The following PCDH7 variants were observed in gnomAD, a reference collection of about 807,000 sequenced individuals.
PCDH7 encodes the protein protocadherin-7.
Under a neutral mutation model 58.9 loss-of-function variants are expected in PCDH7, and 17 were observed. That is an observed-to-expected ratio of 0.29 (90% CI 0.20 to 0.43). PCDH7 has a LOEUF of 0.43. Among genes scored for constraint, PCDH7 ranks in the 20% least tolerant of loss-of-function variants. The pLI is 1.00. For synonymous variants in PCDH7, 664 were observed against 616.4 expected (o/e 1.08, Z -1.14); for missense variants, 1,274 against 1,441.0 (o/e 0.88, Z 1.88).
intron 1 of PCDH7, among the ~76,000 whole-genome samples, chr4:30,784,170 A>T (rs1028157411): frequency 1.3e-5 from 2 of 152,210 alleles, no homozygotes; most frequent in Admixed American, 6.5e-5. Flanking sequence ...AATCAAAACC[A>T]ACACATTCTG....
chr4:31,000,078 CTG>C (rs1288945024), intron 3 of PCDH7, among the ~76,000 whole-genome samples: 1 of 151,946 alleles, frequency 6.6e-6, no homozygotes, highest in African/African-American at 2.4e-5. Flanking sequence ...CAGTATACAG[CTG>C]TGTGTGGCAT....
chr4:30,740,005 T>A (rs1450330325), intron 1 of PCDH7, among the ~76,000 whole-genome samples: 1 of 152,198 alleles, frequency 6.6e-6, no homozygotes, highest in Non-Finnish European at 1.5e-5. Flanking sequence ...ATTAACTCAT[T>A]AAATAGTGAT....
intron 3 of PCDH7, among the ~76,000 whole-genome samples, chr4:30,975,496 A>T (rs1749990578): frequency 6.6e-6 from 1 of 152,022 alleles, no homozygotes; most frequent in Admixed American, 6.6e-5. Flanking sequence ...AGACTACCAA[A>T]TTTTCAATTT....
intron 1 of PCDH7, among the ~76,000 whole-genome samples, chr4:30,743,908 T>G (rs1717417837): frequency 6.6e-6 from 1 of 152,200 alleles, no homozygotes; most frequent in East Asian, 1.9e-4. Context: ...TCTCACTAGA[T>G]TTCAAGTTGT....
At chr4:31,064,657 C>A (rs186207382) in intron 3 of PCDH7, among the ~76,000 whole-genome samples, 1 of 151,896 alleles carries the variant, frequency 6.6e-6, no homozygotes, top group African/African-American at 2.4e-5. Flanking sequence ...TCTGTCCTCA[C>A]GTGATGTTCA....
chr4:31,046,156 C>A (rs1292032325), intron 3 of PCDH7, among the ~76,000 whole-genome samples: 2 of 151,910 alleles, frequency 1.3e-5, no homozygotes, highest in African/African-American at 4.8e-5. Context: ...TAGATTGATC[C>A]ACCTAGGCTA....
At position 30,724,605 on chromosome 4, in the gene PCDH7, T is replaced by G; in HGVS notation, c.3174+9T>G. 1 of 1,611,212 alleles carries G rather than the reference T, an allele frequency of 6.2e-7. No individual in the cohort carries two copies. Among genetic ancestry groups the G allele is most frequent in the Non-Finnish European group, 8.5e-7 (1 of 1,178,020 alleles). On this transcript the variant is annotated intron_variant, in intron 1 of 1. Coordinates refer to ENST00000361762, the Ensembl canonical transcript of PCDH7. ...ACAAGTACAGCAAACAGGTAAGATG[T>G]ATCCCAAATATATTTAAATATCCCA...
chr4:30,861,935 A>G (rs556614448), intron 1 of PCDH7, among the ~76,000 whole-genome samples: 2 of 152,244 alleles, frequency 1.3e-5, no homozygotes, highest in Non-Finnish European at 2.9e-5. Flanking sequence ...GTTTCAAATT[A>G]TAAGCTAGGT....
intron 3 of PCDH7, among the ~76,000 whole-genome samples, chr4:30,973,665 T>C (rs1749797335): frequency 6.6e-6 from 1 of 151,996 alleles, no homozygotes; most frequent in Non-Finnish European, 1.5e-5. Context: ...TGGGGCAAAA[T>C]ATTCCTGGAG....
chr4:30,743,366 G>C (rs759090311), intron 1 of PCDH7, among the ~76,000 whole-genome samples: 3 of 151,794 alleles, frequency 2.0e-5, no homozygotes, highest in Non-Finnish European at 2.9e-5. Flanking sequence ...AGCTAGAGAG[G>C]AAAGTCTTAA....
chr4:30,843,707 T>TG, intron 1 of PCDH7, among the ~76,000 whole-genome samples: 1 of 152,314 alleles, frequency 6.6e-6, no homozygotes, highest in South Asian at 2.1e-4. Context: ...AGATTTTTTT[T>TG]TGTGGTACAT....
rs1741983649 is a variant in PCDH7, at chr4:30,912,958, A to T, written c.71-7195A>T. ...ACATAATATTTGCTTTTATGATGTG[A>T]TGGTTACTTTCTAATTAATCTAACC... On this transcript the variant is annotated intron_variant, in intron 1 of 3. Coordinates refer to the PCDH7 transcript ENST00000509759. Among the ~76,000 whole-genome samples, 3 of 151,872 alleles carry T rather than the reference A, an allele frequency of 2.0e-5. No individual in the cohort carries two copies. The South Asian group carries it at 6.2e-4, about 31-fold the overall frequency.
chr4:31,001,940 C>T (rs1578531228), intron 3 of PCDH7, among the ~76,000 whole-genome samples: 5 of 152,090 alleles, frequency 3.3e-5, no homozygotes, highest in Admixed American at 6.6e-5. Context: ...ACAACAAAAG[C>T]GTTTTTTGGA....
chr4:30,780,638 A>G (rs1296540816), intron 1 of PCDH7, among the ~76,000 whole-genome samples: 1 of 152,222 alleles, frequency 6.6e-6, no homozygotes, highest in Non-Finnish European at 1.5e-5. Flanking sequence ...CAATCTTTAC[A>G]TACTTAATTA....
intron 3 of PCDH7, among the ~76,000 whole-genome samples, chr4:31,089,894 A>G (rs2109282798): frequency 6.6e-6 from 1 of 152,256 alleles, no homozygotes; most frequent in African/African-American, 2.4e-5. Context: ...ATTTCCGTCG[A>G]GTACATTTGC....
At chr4:31,084,972 C>T (rs1239928010) in intron 3 of PCDH7, among the ~76,000 whole-genome samples, 4 of 152,114 alleles carry the variant, frequency 2.6e-5, no homozygotes, top group African/African-American at 9.7e-5. Context: ...AGGGGTTCAC[C>T]TTGCCCGCTG....
At chr4:30,793,011 T>C (rs184839205) in intron 1 of PCDH7, among the ~76,000 whole-genome samples, 2 of 152,294 alleles carry the variant, frequency 1.3e-5, no homozygotes, top group African/African-American at 4.8e-5. Flanking sequence ...AGTTATGTAA[T>C]TGATAAAAAT....
At chr4:31,130,521 AT>A (rs1718848961) in intron 3 of PCDH7, among the ~76,000 whole-genome samples, 1 of 152,222 alleles carries the variant, frequency 6.6e-6, no homozygotes, top group Admixed American at 6.5e-5. Context: ...AGAATTGGGA[AT>A]GTGTTTAAGG....
At position 31,098,173 on chromosome 4, in the gene PCDH7, C is replaced by A. The variant is rs181748230; in HGVS notation, c.*8-44300C>A. 1.6e-4 allele frequency among the ~76,000 whole-genome samples: 25 copies of A among 152,290 alleles called. No homozygotes were observed. In the East Asian group the frequency reaches 4.8e-3, roughly 29 times the overall value. On this transcript the variant is annotated intron_variant, in intron 3 of 3. Coordinates refer to the PCDH7 transcript ENST00000509759. ...TCCCCCACGCAGGGATGTCACTGCC[C>A]ACATGGGCAGGCCAGGGTCACTAGT...
Sources: allele counts gnomAD v4.1 joint callset (sites outside exome capture counted in the v4.1 genomes callset), GRCh38; gene constraint gnomAD v4.1.1; transcripts MANE v1.5; gene names NCBI Gene and HGNC (gene_info 2026-07-23, HGNC 2026-07-21).